The following PI4KA variants were observed in gnomAD, a reference collection of about 807,000 sequenced individuals.
PI4KA encodes the protein PI4-kinase alpha.
In PI4KA, 122 loss-of-function variants were observed where a neutral mutation model predicts 271.4. That is an observed-to-expected ratio of 0.45 (90% CI 0.39 to 0.52). The LOEUF (loss-of-function observed/expected upper bound fraction) is 0.52. Among genes scored for constraint, PI4KA ranks in the 20% least tolerant of loss-of-function variants. PI4KA has a pLI of 0.00. For missense variants in PI4KA, 1,969 were observed against 2,769.1 expected (o/e 0.71, Z 6.48); for synonymous variants, 1,041 against 1,078.8 (o/e 0.96, Z 0.69).
intron 11 of PI4KA, among the ~76,000 whole-genome samples, chr22:20,804,682 A>T (rs1168711806): frequency 6.6e-6 from 1 of 152,206 alleles, no homozygotes; most frequent in Non-Finnish European, 1.5e-5. Flanking sequence ...CCATGTCACC[A>T]CAGAAAAGCC....
intron 1 of PI4KA, among the ~76,000 whole-genome samples, chr22:20,850,360 C>A (rs1236998236): frequency 6.6e-6 from 1 of 151,888 alleles, no homozygotes; most frequent in Non-Finnish European, 1.5e-5. Context: ...CCCGTCTCTA[C>A]TAAAATACAA....
intron 23 of PI4KA, among the ~76,000 whole-genome samples, chr22:20,760,968 A>G (rs2032661811): frequency 6.6e-6 from 1 of 152,160 alleles, no homozygotes; most frequent in South Asian, 2.1e-4. Flanking sequence ...CCTGCTCCTG[A>G]CGTTTAAAAA....
At chr22:20,797,875 C>A (rs1465232699) in intron 17 of PI4KA, among the ~76,000 whole-genome samples, 1 of 152,156 alleles carries the variant, frequency 6.6e-6, no homozygotes, top group Non-Finnish European at 1.5e-5. Context: ...GGGCTCTCTT[C>A]TTCCCTCCCC....
chr22:20,769,655 C>A (rs1369463671), intron 19 of PI4KA, among the ~76,000 whole-genome samples: 1 of 135,832 alleles, frequency 7.4e-6, no homozygotes, highest in Non-Finnish European at 1.5e-5. Flanking sequence ...GGCGACAGAG[C>A]GAGACGCCAT....
At chr22:20,726,760 G>A (rs1927398583) in intron 41 of PI4KA, among the ~76,000 whole-genome samples, 1 of 152,358 alleles carries the variant, frequency 6.6e-6, no homozygotes, top group African/African-American at 2.4e-5. Context: ...CGAGGGCCTC[G>A]TGCTCCTCAC....
chr22:20,829,825 G>A (rs1923920460), intron 3 of PI4KA, among the ~76,000 whole-genome samples: 1 of 152,088 alleles, frequency 6.6e-6, no homozygotes, highest in Non-Finnish European at 1.5e-5. Flanking sequence ...CCTTAGCTGT[G>A]TCCCAGAGAT....
intron 9 of PI4KA, among the ~76,000 whole-genome samples, chr22:20,808,418 C>T (rs1217285440): frequency 6.6e-6 from 1 of 151,206 alleles, no homozygotes. Flanking sequence ...ATGGTGACAC[C>T]CTGTCTCTTC....
At position 20,719,895 on chromosome 22, in the gene PI4KA, A is replaced by G. The variant is rs185387111; in HGVS notation, c.5117-1073T>C. 2.9e-3 allele frequency among the ~76,000 whole-genome samples: 441 copies of G among 152,050 alleles called. 1 individual carries two copies. Among genetic ancestry groups the G allele is most frequent in the African/African-American group, 9.5e-3 (394 of 41,478 alleles). On this transcript the variant is annotated intron_variant, in intron 43 of 54. Coordinates refer to ENST00000255882, the MANE Select transcript of PI4KA (RefSeq NM_058004.4). ...CAAAAAAATTAGCAGGCGTGGTGGC[A>G]GGCGCCTGTAGTCCCAGCTACTCGG...
In PI4KA at chr22:20,807,344, T is replaced by C. The variant is rs748155818; in HGVS notation, c.1168+18A>G. On this transcript the variant is annotated intron_variant, in intron 10 of 54. Coordinates refer to ENST00000255882, the MANE Select transcript of PI4KA (RefSeq NM_058004.4). Reference sequence around the variant, plus strand: ...CAGTCTTGCTGTACTCACAAACACATGGGCAAACTGTCCTCACCCTTCATG... The same window carrying C: ...CAGTCTTGCTGTACTCACAAACACACGGGCAAACTGTCCTCACCCTTCATG... 7.2e-6 allele frequency: 11 copies of C among 1,523,350 alleles called. 1 individual carries two copies. Among genetic ancestry groups the C allele is most frequent in the African/African-American group, 1.4e-5 (1 of 73,078 alleles). 94.4% of individuals were successfully genotyped at this position (1,523,350 alleles called of 1,614,324 possible). A position where few individuals can be genotyped will look rare whatever the true frequency, so the allele number is the denominator to read the frequency against.
intron 11 of PI4KA, among the ~76,000 whole-genome samples, 196 bp from the exon 12 acceptor site, chr22:20,804,596 G>A (rs1016564789): frequency 6.6e-5 from 10 of 152,040 alleles, no homozygotes; most frequent in African/African-American, 1.7e-4. Flanking sequence ...CCTTGTCCCC[G>A]CAGTGTTCAT....
chr22:20,725,977 C>T (rs1927299856), intron 42 of PI4KA, among the ~76,000 whole-genome samples: 1 of 151,352 alleles, frequency 6.6e-6, no homozygotes, highest in African/African-American at 2.4e-5. Flanking sequence ...GAACAATGAC[C>T]TTGGACTTCT....
In PI4KA at chr22:20,819,952, C is replaced by A. The variant is rs777600943; in HGVS notation, c.530-52G>T. On this transcript the variant is annotated intron_variant, in intron 5 of 54. Transcript: ENST00000255882. The stretch of plus-strand genomic sequence containing the variant: ...ATATAAGAAAGTATCCTGATAGAGT[C>A]ATATAGTAAGTACTAACTTGTAACA... 4.3e-5 allele frequency: 63 copies of A among 1,477,984 alleles called. No homozygotes were observed. The Admixed American group carries it at 4.7e-4, about 11-fold the overall frequency. 91.6% of individuals were successfully genotyped at this position (1,477,984 alleles called of 1,614,324 possible).
At chr22:20,809,878 G>A (rs191238671) in intron 9 of PI4KA, among the ~76,000 whole-genome samples, 3 of 152,262 alleles carry the variant, frequency 2.0e-5, no homozygotes, top group Admixed American at 6.5e-5. Flanking sequence ...GCAATAGCTC[G>A]TTGGCAGGGG....
At chr22:20,763,305 T>C (rs1020103476) in intron 22 of PI4KA, among the ~76,000 whole-genome samples, 3 of 151,424 alleles carry the variant, frequency 2.0e-5, no homozygotes, top group African/African-American at 7.3e-5. Flanking sequence ...AGAGACGGGG[T>C]TTCACCATGT....
At chr22:20,833,928 G>T (rs1049430462) in intron 3 of PI4KA, among the ~76,000 whole-genome samples, 1 of 151,934 alleles carries the variant, frequency 6.6e-6, no homozygotes, top group Non-Finnish European at 1.5e-5. Flanking sequence ...AAAGTGCTGG[G>T]ATTACAGGTA....
chr22:20,762,007 C>T (rs531820595), intron 22 of PI4KA, among the ~76,000 whole-genome samples: 37 of 152,252 alleles, frequency 2.4e-4, no homozygotes, highest in Admixed American at 1.9e-3. Context: ...ATTTTTTCAT[C>T]TTTAGTATCT....
chr22:20,718,909 T>C (rs1926363160), intron 43 of PI4KA, 87 bp from the exon 44 acceptor site: 1 of 1,419,196 alleles, frequency 7.0e-7, no homozygotes, highest in African/African-American at 1.4e-5. Context: ...GGCCCCAGAC[T>C]GGCAGTGCCC....
At chr22:20,833,735 C>T (rs1008374864) in intron 3 of PI4KA, among the ~76,000 whole-genome samples, 9 of 147,470 alleles carry the variant, frequency 6.1e-5, no homozygotes, top group Admixed American at 4.1e-4. Context: ...TCTCGGCTCA[C>T]TGCAACCTCT....
chr22:20,856,215 A>G (rs938222622), intron 1 of PI4KA, among the ~76,000 whole-genome samples: 1 of 152,116 alleles, frequency 6.6e-6, no homozygotes, highest in Admixed American at 6.6e-5. Flanking sequence ...AGGAGGCTAC[A>G]GTGGAAAAAT....
Sources: allele counts gnomAD v4.1 joint callset (sites outside exome capture counted in the v4.1 genomes callset), GRCh38; gene constraint gnomAD v4.1.1; transcripts MANE v1.5; gene names NCBI Gene and HGNC (gene_info 2026-07-23, HGNC 2026-07-21).